The following AZIN2 variants were observed in gnomAD, a reference collection of about 807,000 sequenced individuals.
AZIN2 encodes the protein antizyme inhibitor 2.
A neutral mutation model predicts 47.8 loss-of-function variants in AZIN2; 28 were observed. The ratio of observed to expected loss-of-function variants is 0.59; its 90% confidence interval spans 0.43 to 0.80. The LOEUF (loss-of-function observed/expected upper bound fraction) is 0.80. Among genes scored for constraint, AZIN2 ranks in the 30% least tolerant of loss-of-function variants. The probability of loss-of-function intolerance (pLI) is 0.00; values close to 1 mark genes in which losing one functional copy is unlikely to be tolerated. For missense variants in AZIN2, 535 were observed against 582.5 expected, an observed-to-expected ratio of 0.92 and a Z score of 0.84; for synonymous variants, 221 against 239.4, an observed-to-expected ratio of 0.92 and a Z score of 0.71.
At chr1:33,136,047 C>T in the AZIN2 span, among the ~76,000 whole-genome samples, 3 of 151,232 alleles carry the variant, frequency 2.0e-5, no homozygotes, top group East Asian at 5.9e-4. Flanking sequence ...GCAAACATGG[C>T]CTTCTCTTCT....
At chr1:33,147,258 G>C in the AZIN2 span, 1 of 1,614,124 alleles carries the variant, frequency 6.2e-7, no homozygotes, top group Non-Finnish European at 8.5e-7. This position sits in a 1 kb window ranked among gnomAD's most constrained non-coding sequence, Gnocchi z 8.1. Flanking sequence ...AGTAAGAGCA[G>C]AGCTTGCCAG....
chr1:33,127,371 G>A (rs1644864346), downstream of AZIN2, among the ~76,000 whole-genome samples: 2 of 152,272 alleles, frequency 1.3e-5, no homozygotes, highest in Non-Finnish European at 2.9e-5. Context: ...GCCCTCTGGC[G>A]GCTGGGAGGA....
At position 33,099,191 on chromosome 1, in the gene AZIN2, AAGTC is replaced by A. The variant is rs1220537853; in HGVS notation, c.1029+1019_1029+1022del. ...CTTCCCAACCTATCCAGTTTTTCAAAAGTCAGTCAGAGGGGTCTTGAAAATCAAC... is the reference window on the plus strand; with the variant it reads ...CTTCCCAACCTATCCAGTTTTTCAAAAGTCAGAGGGGTCTTGAAAATCAAC... On this transcript the variant is annotated intron_variant, in intron 10 of 11. Coordinates refer to ENST00000294517, the MANE Select transcript of AZIN2 (RefSeq NM_052998.4). Among the ~76,000 whole-genome samples, 9 of 152,106 alleles carry A rather than the reference AAGTC, an allele frequency of 5.9e-5. No individual in the cohort carries two copies. In the East Asian group the frequency reaches 1.5e-3, roughly 26 times the overall value.
chr1:33,117,797 CTT>C (rs956431703), intron 10 of AZIN2, 103 bp from the exon 11 acceptor site: 2 of 1,290,736 alleles, frequency 1.5e-6, no homozygotes, highest in Non-Finnish European at 2.3e-6. Context: ...CCCATCTAGA[CTT>C]TATCCTGTTG....
the AZIN2 span, among the ~76,000 whole-genome samples, chr1:33,150,759 G>A: frequency 6.6e-6 from 1 of 152,150 alleles, no homozygotes; most frequent in African/African-American, 2.4e-5. Context: ...GCTGTAGGAG[G>A]AGTGTGTGGT....
At chr1:33,161,864 G>A in the AZIN2 span, among the ~76,000 whole-genome samples, 4 of 152,136 alleles carry the variant, frequency 2.6e-5, no homozygotes, top group African/African-American at 7.2e-5. The surrounding 1 kb of genome is among the most constrained non-coding windows in gnomAD (Gnocchi z 4.3). Flanking sequence ...TGTGACTGCT[G>A]CCTCTCTGCC....
rs1362866964 is a variant in AZIN2, at chr1:33,118,134, G to A, written c.1244+18G>A. On this transcript the variant is annotated intron_variant, in intron 11 of 11. Transcript: ENST00000294517. ...GTGGCCTGGTAAGAGGGCCCTGCTGGAAAATGGGGGTATGGGGAGGAACTG... is the reference window on the plus strand; with the variant it reads ...GTGGCCTGGTAAGAGGGCCCTGCTGAAAAATGGGGGTATGGGGAGGAACTG... 1.1e-5 allele frequency: 16 copies of A among 1,506,394 alleles called. No homozygotes were observed. Among genetic ancestry groups the A allele is most frequent in the Non-Finnish European group, 1.3e-5 (15 of 1,130,294 alleles). The allele number at this position is 1,506,394 out of a possible 1,614,324, so 93.3% of individuals were successfully genotyped here.
chr1:33,165,514 G>T, the AZIN2 span: 2 of 1,610,598 alleles, frequency 1.2e-6, no homozygotes, highest in Non-Finnish European at 1.7e-6. This position sits in a 1 kb window ranked among gnomAD's most constrained non-coding sequence, Gnocchi z 4.0. Context: ...CAGCGCTTCG[G>T]TGTGTTCCCG....
At chr1:33,093,869 T>G (rs1642853300) in intron 7 of AZIN2, among the ~76,000 whole-genome samples, 1 of 152,010 alleles carries the variant, frequency 6.6e-6, no homozygotes, top group South Asian at 2.1e-4. Context: ...CAAGTAGCTG[T>G]GACCACAGGC....
chr1:33,094,657 C>T lies in AZIN2; in HGVS notation c.697C>T (p.Leu233=). The T allele has an allele frequency of 6.2e-7, 1 of 1,614,196 alleles. No individual in the cohort carries two copies. The highest frequency in any genetic ancestry group is 8.5e-7 in the Non-Finnish European group (1 of 1,180,034). Reference sequence around the variant, plus strand: ...CGAGCTGGGTCACAAGATGCACGTTCTGGACCTTGGTGGTGGCTTCCCTGG... The same window carrying T: ...CGAGCTGGGTCACAAGATGCACGTTTTGGACCTTGGTGGTGGCTTCCCTGG... ...GTELGHKMHV[L]DLGGGFPGTE... is the part of the protein sequence containing the mutation. Residue 233 remains leucine, a synonymous_variant, in exon 8 of 12, where the codon CTG becomes TTG. Coordinates refer to ENST00000294517, the MANE Select transcript of AZIN2 (RefSeq NM_052998.4).
chr1:33,124,187 TAAAA>T (rs374773838), downstream of AZIN2, among the ~76,000 whole-genome samples: 2 of 151,526 alleles, frequency 1.3e-5, no homozygotes, highest in South Asian at 4.2e-4. This position sits in a 1 kb window ranked among gnomAD's most constrained non-coding sequence, Gnocchi z 4.6. Context: ...CAATAAAAAA[TAAAA>T]AAAGAAAATG....
chr1:33,146,197 T>TA, the AZIN2 span: 1 of 257,106 alleles, frequency 3.9e-6, no homozygotes, highest in Non-Finnish European at 7.7e-6. Flanking sequence ...GGCCAGGTAG[T>TA]AAATCCTTGT....
At chr1:33,096,343 CG>C (rs1643149435) in intron 8 of AZIN2, among the ~76,000 whole-genome samples, 1 of 152,096 alleles carries the variant, frequency 6.6e-6, no homozygotes, top group Admixed American at 6.5e-5. Context: ...TGGACCCACA[CG>C]GTTCAAACCT....
Position 33,094,688 on chromosome 1 carries a change from A to G in AZIN2, c.728A>G (p.Glu243Gly). The G allele has an allele frequency of 6.2e-7, 1 of 1,614,142 alleles. No homozygotes were observed. The highest frequency in any genetic ancestry group is 8.5e-7 in the Non-Finnish European group (1 of 1,180,004). ...CTTGGTGGTGGCTTCCCTGGCACAG[A>G]AGGGGCCAAAGTGAGATTTGAAGAG... is the stretch of plus-strand genomic sequence containing the variant. Reference protein sequence around the residue: ...LDLGGGFPGTEGAKVRFEEIA... With the variant: ...LDLGGGFPGTGGAKVRFEEIA... The change falls in exon 8 of 12, where the codon GAA becomes GGA. Residue 243 changes from glutamate to glycine, a missense_variant. By Grantham distance (98) the Glu-to-Gly change is moderately conservative. Coordinates refer to ENST00000294517, the MANE Select transcript of AZIN2 (RefSeq NM_052998.4).
chr1:33,161,284 G>C, the AZIN2 span, among the ~76,000 whole-genome samples: 1 of 152,222 alleles, frequency 6.6e-6, no homozygotes, highest in Non-Finnish European at 1.5e-5. This position sits in a 1 kb window ranked among gnomAD's most constrained non-coding sequence, Gnocchi z 4.3. Context: ...GGGGGTCAGG[G>C]GAACAGGCAG....
chr1:33,119,970 G>A lies in AZIN2; in HGVS notation c.1245-74G>A, dbSNP rs1025051135. ...CTCACGTGAGAGCCCTCTGCCCAATGGGGCTGCGTCTCCAGGTACAGGGCC... is the reference window on the plus strand; with the variant it reads ...CTCACGTGAGAGCCCTCTGCCCAATAGGGCTGCGTCTCCAGGTACAGGGCC... On this transcript the variant is annotated intron_variant, in intron 11 of 11. Transcript: ENST00000294517. 3.1e-6 allele frequency: 5 copies of A among 1,595,410 alleles called. No homozygotes were observed. In the African/African-American group the frequency reaches 5.4e-5, roughly 17 times the overall value.
chr1:33,149,036 T>A, the AZIN2 span, among the ~76,000 whole-genome samples: 1 of 152,198 alleles, frequency 6.6e-6, no homozygotes, highest in Non-Finnish European at 1.5e-5. Context: ...TCCTCCTCTC[T>A]GCTTGTTGCA....
At position 33,082,229 on chromosome 1, in the gene AZIN2, C is replaced by G. The variant is rs367740729; in HGVS notation, c.-21C>G. On this transcript the variant is annotated 5_prime_UTR_variant, in exon 4 of 12. Coordinates refer to ENST00000294517, the MANE Select transcript of AZIN2 (RefSeq NM_052998.4). ...GCTGCAGCAGCGGCTCCATCCAGCC[C>G]GTCAGCTCCTCCTGCAAGGCATGGC... 2 of 1,603,778 alleles carry G rather than the reference C, an allele frequency of 1.2e-6. No homozygotes were observed. Among genetic ancestry groups the G allele is most frequent in the Non-Finnish European group, 8.5e-7 (1 of 1,171,222 alleles).
At chr1:33,114,359 T>C (rs907251779) in intron 10 of AZIN2, among the ~76,000 whole-genome samples, 2 of 146,328 alleles carry the variant, frequency 1.4e-5, no homozygotes, top group African/African-American at 2.5e-5. Context: ...TCTTTTCTTT[T>C]TTTTTTTTTT....
Sources: allele counts gnomAD v4.1 joint callset (sites outside exome capture counted in the v4.1 genomes callset), GRCh38; gene constraint gnomAD v4.1.1; non-coding constraint Gnocchi (gnomAD v3.1); transcripts MANE v1.5; gene names NCBI Gene and HGNC (gene_info 2026-07-23, HGNC 2026-07-21).